Variants in WDR33 observed in about 807,000 individuals in gnomAD.
WDR33 encodes the protein WD repeat domain 33.
Under a neutral mutation model 164.9 loss-of-function variants are expected in WDR33, and 47 were observed. The ratio of observed to expected loss-of-function variants is 0.29; its 90% CI spans 0.23 to 0.36. The LOEUF is 0.36. Among genes scored for constraint, WDR33 ranks in the 10% least tolerant of loss-of-function variants. WDR33 has a pLI of 1.00. For missense variants in WDR33, 1,137 were observed against 1,754.1 expected, an observed-to-expected ratio of 0.65 and a Z score of 6.28; for synonymous variants, 505 against 589.0, an observed-to-expected ratio of 0.86 and a Z score of 2.06.
Position 127,701,593 on chromosome 2 carries a change from C to T in WDR33, c.*4730G>A, listed in dbSNP as rs752641757. Reference sequence around the variant, plus strand: ...CAGGGGAAAGCTGGCGGCCCGGCGGCCGCGGAGCCGCTGCTCGCCGCGGAG... The same window carrying T: ...CAGGGGAAAGCTGGCGGCCCGGCGGTCGCGGAGCCGCTGCTCGCCGCGGAG... On this transcript the variant is annotated 3_prime_UTR_variant, in exon 22 of 22. Coordinates refer to ENST00000322313, the MANE Select transcript of WDR33 (RefSeq NM_018383.5). 3 of 1,353,238 alleles carry T rather than the reference C, an allele frequency of 2.2e-6. No homozygotes were observed. Among genetic ancestry groups the T allele is most frequent in the South Asian group, 3.7e-5 (2 of 54,128 alleles). The allele number at this position is 1,353,238 out of a possible 1,614,324, so 83.8% of individuals were successfully genotyped here. A position where few individuals can be genotyped will look rare whatever the true frequency, so the allele number is the denominator to read the frequency against.
intron 7 of WDR33, among the ~76,000 whole-genome samples, chr2:127,752,613 A>G (rs988861596): frequency 7.3e-5 from 11 of 151,414 alleles, no homozygotes; most frequent in African/African-American, 2.2e-4. Context: ...AAAAAAAAAA[A>G]AAAAAAAGAA....
At position 127,720,432 on chromosome 2, in the gene WDR33, T is replaced by G; in HGVS notation, c.1672-79A>C. On this transcript the variant is annotated intron_variant, in intron 15 of 21. Coordinates refer to ENST00000322313, the MANE Select transcript of WDR33 (RefSeq NM_018383.5). The surrounding 1 kb of genome is among the most constrained non-coding windows in gnomAD (Gnocchi z 5.9). ...AGATGACAATATTGCTATCATGTAT[T>G]CTGTTAGGGGACTCTCAAACATAAA... The G allele has an allele frequency of 1.4e-6, 2 of 1,453,800 alleles. No individual in the cohort carries two copies. The highest frequency in any genetic ancestry group is 3.2e-5 in the South Asian group (2 of 62,858). The allele number at this position is 1,453,800 out of a possible 1,614,324, so 90.1% of individuals were successfully genotyped here.
At chr2:127,798,736 G>C (rs1016132525) in intron 1 of WDR33, among the ~76,000 whole-genome samples, 3 of 151,870 alleles carry the variant, frequency 2.0e-5, no homozygotes, top group African/African-American at 7.3e-5. Context: ...TTAGAGATAC[G>C]ATGAACTGAA....
In WDR33 at chr2:127,708,893, C is replaced by A; in HGVS notation, c.3566-1G>T. On this transcript the variant is annotated splice_acceptor_variant, in intron 20 of 21. Transcript: ENST00000322313. LOFTEE classifies it high-confidence loss of function. This position sits in a 1 kb window ranked among gnomAD's most constrained non-coding sequence, Gnocchi z 6.7. ...TCACGAAAATGTTCATGACCTGGCC[C>A]TGAAACAAGAAACAAATCTCCTTAC... 1 of 1,548,408 alleles carries A rather than the reference C, an allele frequency of 6.5e-7. No individual in the cohort carries two copies. The highest frequency in any genetic ancestry group is 8.8e-7 in the Non-Finnish European group (1 of 1,142,772).
Position 127,717,171 on chromosome 2 carries a change from T to G in WDR33, c.2853A>C (p.Gly951=). 6.2e-7 allele frequency: 1 copy of G among 1,606,212 alleles called. No individual in the cohort carries two copies. The part of the protein sequence containing the change: ...GRIPPLNPGQ[G]PGPNKGDSRG... Reference sequence around the variant, plus strand: ...GATATTTACCTTTGTTGGGGCCAGGTCCTTGTCCGGGGTTCAGAGGGGGAA... The same window carrying G: ...GATATTTACCTTTGTTGGGGCCAGGGCCTTGTCCGGGGTTCAGAGGGGGAA... The change falls in exon 17 of 22, where the codon GGA becomes GGC. Residue 951 remains glycine, a synonymous_variant. Transcript: ENST00000322313. This position sits in a 1 kb window ranked among gnomAD's most constrained non-coding sequence, Gnocchi z 5.6.
intron 7 of WDR33, chr2:127,736,980 A>G (rs1309351358): frequency 1.8e-5 from 18 of 985,378 alleles, no homozygotes; most frequent in Non-Finnish European, 2.0e-5. Context: ...AAAAGGTACA[A>G]TATTATTCCA....
chr2:127,784,944 C>T (rs183519440), intron 1 of WDR33, among the ~76,000 whole-genome samples: 1 of 152,128 alleles, frequency 6.6e-6, no homozygotes, highest in South Asian at 2.1e-4. Context: ...ATGGCAGATA[C>T]AAGCTTTCCA....
chr2:127,711,780 A>ATATATATATATATATATATT, intron 18 of WDR33, among the ~76,000 whole-genome samples: 28 of 88,292 alleles, frequency 3.2e-4, no homozygotes, highest in Admixed American at 4.7e-4. Context: ...ATATATATAT[A>ATATATATATATATATATATT]TTTTTTTTTT....
chr2:127,783,711 T>C (rs1218558168), intron 1 of WDR33, among the ~76,000 whole-genome samples: 2 of 150,162 alleles, frequency 1.3e-5, no homozygotes, highest in African/African-American at 2.5e-5. Flanking sequence ...TTCAAGTGAT[T>C]CTCCTGCCTC....
chr2:127,701,505 CT>C lies in WDR33; in HGVS notation c.*4817del. The stretch of plus-strand genomic sequence containing the variant: ...GGCCGGAAGTGAGCCGCAGCTTTTC[CT>C]TTCTGCCACCGCCTTGTCCAAGATG... On this transcript the variant is annotated 3_prime_UTR_variant, in exon 22 of 22. Coordinates refer to ENST00000322313, the MANE Select transcript of WDR33 (RefSeq NM_018383.5). The C allele has an allele frequency of 7.8e-7, 1 of 1,285,466 alleles. No individual in the cohort carries two copies. Among genetic ancestry groups the C allele is most frequent in the South Asian group, 2.6e-5 (1 of 38,230 alleles). The allele number at this position is 1,285,466 out of a possible 1,614,324, so 79.6% of individuals were successfully genotyped here. A position where few individuals can be genotyped will look rare whatever the true frequency, so the allele number is the denominator to read the frequency against.
chr2:127,743,577 A>G lies in WDR33; in HGVS notation c.725-16800T>C, dbSNP rs1051265334. 2.8e-4 allele frequency among the ~76,000 whole-genome samples: 42 copies of G among 150,960 alleles called. 1 individual carries two copies. Among genetic ancestry groups the G allele is most frequent in the African/African-American group, 9.7e-4 (40 of 41,138 alleles). On this transcript the variant is annotated intron_variant, in intron 7 of 21. Transcript: ENST00000322313. ...AAACAAAAGTAGCCATAATTCAAGA[A>G]CAGAATAAAATTGGCTTAAAATCCT...
In WDR33 at chr2:127,708,901, A is replaced by G; in HGVS notation, c.3566-9T>C. The G allele has an allele frequency of 6.5e-7, 1 of 1,544,862 alleles. No individual in the cohort carries two copies. The highest frequency in any genetic ancestry group is 1.9e-5 in the Admixed American group (1 of 52,742). Reference sequence around the variant, plus strand: ...ATGTTCATGACCTGGCCCTGAAACAAGAAACAAATCTCCTTACAGGAAAGC... The same window carrying G: ...ATGTTCATGACCTGGCCCTGAAACAGGAAACAAATCTCCTTACAGGAAAGC... On this transcript the variant is annotated splice_polypyrimidine_tract_variant and intron_variant, in intron 20 of 21. Transcript: ENST00000322313. The surrounding 1 kb of genome is among the most constrained non-coding windows in gnomAD (Gnocchi z 6.7).
intron 4 of WDR33, among the ~76,000 whole-genome samples, chr2:127,766,987 G>C (rs1217932565): frequency 6.6e-6 from 1 of 152,178 alleles, no homozygotes; most frequent in East Asian, 1.9e-4. Context: ...TCAAACTCCC[G>C]ACCGCAGGTG....
At chr2:127,786,377 T>G (rs1379327943) in intron 1 of WDR33, among the ~76,000 whole-genome samples, 1 of 152,222 alleles carries the variant, frequency 6.6e-6, no homozygotes, top group African/African-American at 2.4e-5. Context: ...TGTTCACTAT[T>G]ACAATATAGA....
At chr2:127,766,357 T>A (rs980593666) in intron 4 of WDR33, among the ~76,000 whole-genome samples, 1 of 152,172 alleles carries the variant, frequency 6.6e-6, no homozygotes, top group Non-Finnish European at 1.5e-5. Context: ...CAAATATATA[T>A]GACAATTTGG....
intron 7 of WDR33, among the ~76,000 whole-genome samples, chr2:127,745,573 A>G (rs1687143798): frequency 1.3e-5 from 2 of 152,270 alleles, no homozygotes; most frequent in South Asian, 2.1e-4. Context: ...TGAAGCAACC[A>G]AAGTGCTGGT....
rs150405425 is a variant in WDR33 at position 127,770,415 on chromosome 2, C to T, written c.204+363G>A. 2.0e-5 allele frequency among the ~76,000 whole-genome samples: 3 copies of T among 152,130 alleles called. No homozygotes were observed. Among genetic ancestry groups the T allele is most frequent in the Admixed American group, 6.6e-5 (1 of 15,264 alleles). On this transcript the variant is annotated intron_variant, in intron 2 of 21. Transcript: ENST00000322313. This position sits in a 1 kb window ranked among gnomAD's most constrained non-coding sequence, Gnocchi z 4.9. ...TCTTCTTTTAAATAACCAGGCCGGGCGCAGTGGCTCATGCCTGTAATCCCA... is the reference window on the plus strand; with the variant it reads ...TCTTCTTTTAAATAACCAGGCCGGGTGCAGTGGCTCATGCCTGTAATCCCA...
At position 127,709,783 on chromosome 2, in the gene WDR33, C is replaced by T; in HGVS notation, c.3382G>A (p.Glu1128Lys). ...AAATTCTCCTCTGGACCAAAGTCTTCAGGACCAGGAAAACCATCCCTTCCT... is the reference window on the plus strand; with the variant it reads ...AAATTCTCCTCTGGACCAAAGTCTTTAGGACCAGGAAAACCATCCCTTCCT... ...PRGRDGFPGP[E>K]DFGPEENFDA... is the part of the protein sequence containing the mutation. The change falls in exon 19 of 22, where the codon GAA becomes AAA. Residue 1128 changes from glutamate (E) to lysine (K), a missense_variant. This residue lies in a region of WDR33 where 867 missense variants were observed against 1,073.0 expected (regional missense o/e 0.81). Coordinates refer to ENST00000322313, the MANE Select transcript of WDR33 (RefSeq NM_018383.5). This position sits in a 1 kb window ranked among gnomAD's most constrained non-coding sequence, Gnocchi z 5.0. The T allele has an allele frequency of 6.2e-7, 1 of 1,614,212 alleles. No individual in the cohort carries two copies. The highest frequency in any genetic ancestry group is 8.5e-7 in the Non-Finnish European group (1 of 1,180,038).
chr2:127,773,813 G>C (rs1219867540), intron 1 of WDR33, among the ~76,000 whole-genome samples: 3 of 152,130 alleles, frequency 2.0e-5, no homozygotes, highest in Admixed American at 6.5e-5. Context: ...GCCCAGGCTG[G>C]AGTGCAGTGG....
Sources: gnomAD v4.1 joint callset for allele counts (sites outside exome capture counted in the v4.1 genomes callset) on GRCh38, gnomAD v4.1.1 for gene constraint, gnomAD v4.1.1 regional missense constraint, Gnocchi (gnomAD v3.1) non-coding constraint, MANE v1.5 for transcripts, NCBI Gene and HGNC (gene_info 2026-07-23, HGNC 2026-07-21) for gene names.